Variants in ADGRD2 observed in about 807,000 individuals in gnomAD.
ADGRD2 encodes the protein G protein-coupled receptor PGR24.
ADGRD2 carries 71 observed loss-of-function variants against 44.4 expected under a neutral mutation model. The observed-to-expected ratio is 1.60, with a 90% CI of 1.32 to 1.95. The LOEUF is 1.95. Among genes scored for constraint, ADGRD2 ranks in the 30% most tolerant of loss-of-function variants. ADGRD2 has a pLI of 0.00. For synonymous variants in ADGRD2, 481 were observed against 224.8 expected, an observed-to-expected ratio of 2.14 and a Z score of -10.19; for missense variants, 1,039 against 512.4, an observed-to-expected ratio of 2.03 and a Z score of -9.92.
At chr9:124,470,778 G>A (rs897766154) in intron 17 of ADGRD2, among the ~76,000 whole-genome samples, 164 bp downstream of exon 20, 63 of 152,252 alleles carry the variant, frequency 4.1e-4, no homozygotes, top group Non-Finnish European at 8.5e-4. Flanking sequence ...GGTGGCAGTG[G>A]GAACAGGCAA....
intron 21 of ADGRD2, among the ~76,000 whole-genome samples, chr9:124,477,705 T>C (rs1200016328): frequency 6.6e-6 from 1 of 152,070 alleles, no homozygotes; most frequent in African/African-American, 2.4e-5. Context: ...GGCTGGCATC[T>C]CGGTCCCGGG....
chr9:124,477,655 C>T (rs1465860840), intron 21 of ADGRD2, among the ~76,000 whole-genome samples: 3 of 152,202 alleles, frequency 2.0e-5, no homozygotes, highest in East Asian at 1.9e-4. Flanking sequence ...CGCGTGAACC[C>T]GGGTTGTGGG....
chr9:124,460,537 C>T (rs1831709264), intron 10 of ADGRD2, among the ~76,000 whole-genome samples: 1 of 150,630 alleles, frequency 6.6e-6, no homozygotes, highest in African/African-American at 2.4e-5. Context: ...TCTTTTCTAG[C>T]ATTTCATGTA....
chr9:124,452,295 G>C (rs1299597861), intron 1 of ADGRD2, 141 bp downstream of exon 4: 6 of 634,152 alleles, frequency 9.5e-6, no homozygotes, highest in Non-Finnish European at 1.7e-5. Context: ...GGCCCTGCGA[G>C]GAACGCTTCA....
chr9:124,470,164 CCTT>C (rs549458824), intron 16 of ADGRD2, among the ~76,000 whole-genome samples: 229 of 152,284 alleles, frequency 1.5e-3, no homozygotes, highest in Non-Finnish European at 2.8e-3. Context: ...AGAAGGGAGT[CCTT>C]CTAACCCCAT....
At chr9:124,477,730 C>T (rs1277433128) in intron 21 of ADGRD2, among the ~76,000 whole-genome samples, 1 of 152,206 alleles carries the variant, frequency 6.6e-6, no homozygotes, top group Non-Finnish European at 1.5e-5. Context: ...CTCAGCTTCC[C>T]TTTCTGCAGA....
At chr9:124,466,035 T>C (rs1831816695) in intron 10 of ADGRD2, 2 of 370,498 alleles carry the variant, frequency 5.4e-6, no homozygotes, top group Non-Finnish European at 9.7e-6. Context: ...AGTAATTAAT[T>C]AAGTTGATAA....
chr9:124,451,307 A>G (rs1272214662), upstream of ADGRD2: 4 of 450,004 alleles, frequency 8.9e-6, no homozygotes, highest in Admixed American at 7.2e-5. Context: ...CGCTGCAGGG[A>G]CCCTGAGCTC....
At chr9:124,471,989 C>T (rs947202418) in intron 17 of ADGRD2, among the ~76,000 whole-genome samples, 1 of 152,326 alleles carries the variant, frequency 6.6e-6, no homozygotes, top group Admixed American at 6.5e-5. Context: ...ACCTGTCACA[C>T]GGTGGGGCAG....
rs534154916 is a variant in ADGRD2, at chr9:124,454,931, C to A, written c.1199C>A (p.Ala400Glu). 4 of 716,944 alleles carry A rather than the reference C, an allele frequency of 5.6e-6. No homozygotes were observed. The highest frequency in any genetic ancestry group is 2.7e-5 in the East Asian group (1 of 37,308). 44.4% of individuals were successfully genotyped at this position (716,944 alleles called of 1,614,324 possible). A position where few individuals can be genotyped will look rare whatever the true frequency, so the allele number is the denominator to read the frequency against. The change falls in exon 6 of 22, where the codon GCG becomes GAG. Residue 400 changes from alanine (A) to glutamate (E), a missense_variant. Coordinates refer to ENST00000334810, the Ensembl canonical transcript of ADGRD2. The surrounding 1 kb of genome is among the most constrained non-coding windows in gnomAD (Gnocchi z 4.5). The stretch of plus-strand genomic sequence containing the variant: ...CTGGGCCTTCTGGAGCATGTCCTGG[C>A]GATGGAGATGGCTCCCCTGGGGCCG...
intron 12 of ADGRD2, 42 bp downstream of exon 15, chr9:124,467,866 C>T: frequency 2.8e-6 from 2 of 717,234 alleles, no homozygotes; most frequent in Non-Finnish European, 5.2e-6. Flanking sequence ...CCTGGGCCCT[C>T]CCGCCTCGCT....
chr9:124,453,697 G>GGCCCCCC, intron 3 of ADGRD2, 21 bp downstream of exon 6: 1 of 526,286 alleles, frequency 1.9e-6, no homozygotes. Context: ...CCCCGCCCCG[G>GGCCCCCC]CCCCACCCCA....
At chr9:124,460,242 C>A (rs2131239454) in intron 10 of ADGRD2, among the ~76,000 whole-genome samples, 1 of 149,526 alleles carries the variant, frequency 6.7e-6, no homozygotes, top group African/African-American at 2.5e-5. Context: ...CACTCTGTCA[C>A]CCAGGCTGGA....
At chr9:124,465,738 G>A (rs1831808989) in intron 10 of ADGRD2, 1 of 152,158 alleles carries the variant, frequency 6.6e-6, no homozygotes, top group South Asian at 2.1e-4. Flanking sequence ...TTCACCATCT[G>A]CCTTTCAGGG....
chr9:124,457,603 A>T lies in ADGRD2; in HGVS notation c.1639A>T (p.Lys547Ter). ...GAGTGAAGTGAGGCGACTCCTCAGG[A>T]AAGGTGGGTGAGGATGAGGGGGTGT... Residue 547 changes from lysine to a stop codon, truncating the protein, a stop_gained, in exon 8 of 22, where the codon AAA becomes TAA. Coordinates refer to ENST00000334810, the Ensembl canonical transcript of ADGRD2. LOFTEE classifies it high-confidence loss of function. 1.6e-6 allele frequency: 1 copy of T among 645,064 alleles called. No individual in the cohort carries two copies. The highest frequency in any genetic ancestry group is 2.8e-6 in the Non-Finnish European group (1 of 353,318). 40.0% of individuals were successfully genotyped at this position (645,064 alleles called of 1,614,324 possible). A position where few individuals can be genotyped will look rare whatever the true frequency, so the allele number is the denominator to read the frequency against.
chr9:124,465,089 C>T (rs1831793633), intron 10 of ADGRD2: 1 of 152,778 alleles, frequency 6.5e-6, no homozygotes, highest in Non-Finnish European at 1.5e-5. Flanking sequence ...CTGCACTCTC[C>T]TCCCTCTGCC....
In ADGRD2 at chr9:124,454,793, G is replaced by T. The variant is rs909606050; in HGVS notation, c.1109-50G>T. ...AAAGCCCAAGTGTGGCCCTTGGGGG[G>T]ATCCCCTCATAACAACCAGACCCAG... On this transcript the variant is annotated intron_variant, in intron 5 of 21. Coordinates refer to ENST00000334810, the Ensembl canonical transcript of ADGRD2. This position sits in a 1 kb window ranked among gnomAD's most constrained non-coding sequence, Gnocchi z 4.5. 2.0e-5 allele frequency: 13 copies of T among 637,510 alleles called. No individual in the cohort carries two copies. The highest frequency in any genetic ancestry group is 3.7e-5 in the Non-Finnish European group (13 of 349,848). The allele number at this position is 637,510 out of a possible 1,614,324, so 39.5% of individuals were successfully genotyped here.
intron 10 of ADGRD2, chr9:124,465,835 A>C: frequency 6.5e-6 from 1 of 153,452 alleles, no homozygotes; most frequent in Non-Finnish European, 1.5e-5. Context: ...TCATAGGAGT[A>C]TGTGAAGGAG....
intron 21 of ADGRD2, among the ~76,000 whole-genome samples, chr9:124,477,614 A>C (rs1388509673): frequency 2.0e-5 from 3 of 152,232 alleles, no homozygotes; most frequent in African/African-American, 7.2e-5. Flanking sequence ...CTGCAGGCAC[A>C]GCAGTAGCCA....
Sources: gnomAD v4.1 joint callset for allele counts (sites outside exome capture counted in the v4.1 genomes callset) on GRCh38, gnomAD v4.1.1 for gene constraint, Gnocchi (gnomAD v3.1) non-coding constraint, MANE v1.5 for transcripts, NCBI Gene and HGNC (gene_info 2026-07-23, HGNC 2026-07-21) for gene names.